The following WNK2 variants were observed in gnomAD, a reference collection of about 807,000 sequenced individuals.
WNK2 encodes the protein serine/threonine-protein kinase WNK2.
WNK2 carries 67 observed loss-of-function variants against 192.1 expected under a neutral mutation model. The ratio of observed to expected loss-of-function variants is 0.35; its 90% CI spans 0.29 to 0.43. The LOEUF is 0.43. WNK2 is among the 20% of genes least tolerant of loss of function. The probability of loss-of-function intolerance (pLI) is 1.00; values close to 1 mark genes in which losing one functional copy is unlikely to be tolerated. For missense variants in WNK2, 2,698 were observed against 3,089.7 expected (o/e 0.87, Z 3.01); for synonymous variants, 1,439 against 1,393.9 (o/e 1.03, Z -0.72).
At position 93,268,025 on chromosome 9, in the gene WNK2, C is replaced by A; in HGVS notation, c.3873C>A (p.Ser1291Arg). Residue 1291 changes from serine to arginine, a missense_variant, in exon 18 of 30, where the codon AGC (serine) becomes AGA (arginine). Ser to Arg is a moderately radical substitution (Grantham distance 110). Around this residue, in one of 7 missense-constraint regions of WNK2, gnomAD observed 1,098 missense variants for 1,101.0 expected, o/e 1.00. Transcript: ENST00000427277. ...STCGLGTGEESRQSQANAPVY... is the reference protein window; with the variant it reads ...STCGLGTGEERRQSQANAPVY... The stretch of plus-strand genomic sequence containing the variant: ...TGACCCTCCACCTCATTCAGGAGAG[C>A]CGACAATCCCAAGCCAACGCCCCCG... 1 of 1,611,910 alleles carries A rather than the reference C, an allele frequency of 6.2e-7. No homozygotes were observed. The highest frequency in any genetic ancestry group is 8.5e-7 in the Non-Finnish European group (1 of 1,179,122).
chr9:93,197,181 T>C (rs1184257904), intron 2 of WNK2, among the ~76,000 whole-genome samples: 1 of 152,252 alleles, frequency 6.6e-6, no homozygotes, highest in African/African-American at 2.4e-5. Context: ...TGTATATCTG[T>C]GTCTGTGATT....
intron 23 of WNK2, among the ~76,000 whole-genome samples, chr9:93,296,117 T>C: frequency 2.6e-5 from 1 of 38,874 alleles, no homozygotes; most frequent in African/African-American, 1.2e-4. Context: ...CCCCTCACCT[T>C]CCTCCCCTCT....
At chr9:93,277,611 C>G (rs1166716630) in intron 19 of WNK2, among the ~76,000 whole-genome samples, 2 of 152,118 alleles carry the variant, frequency 1.3e-5, no homozygotes, top group Non-Finnish European at 2.9e-5. Context: ...TGTATAATTC[C>G]ATTTATAATG....
chr9:93,282,142 A>C (rs1266963101), intron 19 of WNK2, among the ~76,000 whole-genome samples: 1 of 152,216 alleles, frequency 6.6e-6, no homozygotes, highest in Non-Finnish European at 1.5e-5. Context: ...AAATGCATGA[A>C]AATGGGGCAT....
intron 19 of WNK2, among the ~76,000 whole-genome samples, chr9:93,286,441 A>T (rs558253592): frequency 6.6e-6 from 1 of 152,322 alleles, no homozygotes; most frequent in Non-Finnish European, 1.5e-5. Context: ...TTATCAGGGA[A>T]ATGCAAATCA....
intron 2 of WNK2, among the ~76,000 whole-genome samples, chr9:93,188,447 T>C (rs1271344460): frequency 6.6e-6 from 1 of 152,256 alleles, no homozygotes; most frequent in Non-Finnish European, 1.5e-5. Flanking sequence ...GTGAGGTGTT[T>C]CACCTTCTGA....
Position 93,262,655 on chromosome 9 carries a change from G to C in WNK2, c.3361-15G>C. 6.2e-7 allele frequency: 1 copy of C among 1,612,628 alleles called. No homozygotes were observed. Among genetic ancestry groups the C allele is most frequent in the Non-Finnish European group, 8.5e-7 (1 of 1,179,852 alleles). ...CCGCATGACCTGTTCTCTTTTCTCC[G>C]GGTGTTTATTTCAGGAGCAGGCCTC... On this transcript the variant is annotated splice_polypyrimidine_tract_variant and intron_variant, in intron 13 of 29. Transcript: ENST00000427277.
rs1373406186 is a variant in WNK2 at position 93,258,996 on chromosome 9, C to T, written c.2448C>T (p.Ala816=). 5 of 1,612,886 alleles carry T rather than the reference C, an allele frequency of 3.1e-6. No homozygotes were observed. The highest frequency in any genetic ancestry group is 4.2e-6 in the Non-Finnish European group (5 of 1,179,828). The change falls in exon 12 of 30, where the codon GCC becomes GCT. Residue 816 remains alanine, a synonymous_variant. Coordinates refer to ENST00000427277, the MANE Select transcript of WNK2 (RefSeq NM_006648.4). ...CGGGAATCGACGGCCTCCCTCCGGC[C>T]CTCCCAGACCTGCCGACCGCGACTG... The part of the protein sequence containing the change: ...PLAGIDGLPP[A]LPDLPTATVP...
rs771538709 is a variant in WNK2, at chr9:93,259,484, T to TGCTGCCCCCGCAACCCAC, written c.2953_2954insCGCTGCCCCCGCAACCCA (p.Pro984_Met985insThrLeuProProGlnPro). 8.0e-4 allele frequency: 858 copies of TGCTGCCCCCGCAACCCAC among 1,072,024 alleles called. 7 individuals carry two copies. In the African/African-American group the frequency reaches 0.022, roughly 27 times the overall value. The allele number at this position is 1,072,024 out of a possible 1,614,324, so 66.4% of individuals were successfully genotyped here. ...CAACCCACACGGCCCCCTCAACCTG[T>TGCTGCCCCCGCAACCCAC]GCTGCCCCCGCAACCCATGCTGCCC... On this transcript the variant is annotated inframe_insertion, in exon 12 of 30. Transcript: ENST00000427277. This position sits in a 1 kb window ranked among gnomAD's most constrained non-coding sequence, Gnocchi z 4.8.
chr9:93,261,455 C>T (rs1352176625), intron 12 of WNK2, among the ~76,000 whole-genome samples: 1 of 152,222 alleles, frequency 6.6e-6, no homozygotes, highest in Non-Finnish European at 1.5e-5. Context: ...GACCGGGGGC[C>T]AGATGGGGCA....
In WNK2 at chr9:93,292,593, A is replaced by G; in HGVS notation, c.5128A>G (p.Thr1710Ala). 2 of 1,580,458 alleles carry G rather than the reference A, an allele frequency of 1.3e-6. No individual in the cohort carries two copies. The highest frequency in any genetic ancestry group is 1.1e-5 in the South Asian group (1 of 87,004). The change falls in exon 23 of 30, where the codon ACA becomes GCA. Residue 1710 changes from threonine (T) to alanine (A), a missense_variant. Thr to Ala is a moderately conservative substitution (Grantham distance 58). This residue lies in a region of WNK2 where 1,098 missense variants were observed against 1,101.0 expected (regional missense o/e 1.00). Transcript: ENST00000427277. ...AGAGCCCCCGCCGAGTGACATGGGC[A>G]CAGTGGGGGGCCAGGCTAGCCACCC... ...SAEPPPSDMGTVGGQASHPQT... is the reference protein window; with the variant it reads ...SAEPPPSDMGAVGGQASHPQT...
At chr9:93,205,572 C>T (rs929333438) in intron 2 of WNK2, among the ~76,000 whole-genome samples, 4 of 152,252 alleles carry the variant, frequency 2.6e-5, no homozygotes, top group Admixed American at 6.5e-5. Context: ...GCCCCGCGGC[C>T]GGCTGTCTGG....
chr9:93,292,206 G>T, intron 21 of WNK2, 102 bp from the exon 22 acceptor site: 2 of 1,186,756 alleles, frequency 1.7e-6, no homozygotes, highest in Admixed American at 3.5e-5. Flanking sequence ...CTGTCTGGAG[G>T]CACTCCCATG....
chr9:93,293,898 A>C, intron 23 of WNK2, among the ~76,000 whole-genome samples: 1 of 144,318 alleles, frequency 6.9e-6, no homozygotes, highest in Non-Finnish European at 1.5e-5. Context: ...TTTCTGGCAC[A>C]CTCTCTCTTC....
rs967535698 is a variant in WNK2, at chr9:93,184,888, G to T, written c.-2-40G>T. ...CCGGCGGCCTGGGCAGGTGCGGCAG[G>T]GCCGGCGCTCACGCGGGCCTGTGTG... On this transcript the variant is annotated intron_variant, in intron 1 of 29. Transcript: ENST00000427277. 5 of 1,220,216 alleles carry T rather than the reference G, an allele frequency of 4.1e-6. No individual in the cohort carries two copies. In the African/African-American group the frequency reaches 6.3e-5, roughly 15 times the overall value. The allele number at this position is 1,220,216 out of a possible 1,614,324, so 75.6% of individuals were successfully genotyped here.
intron 2 of WNK2, among the ~76,000 whole-genome samples, chr9:93,210,196 C>T (rs1834248955): frequency 6.6e-6 from 1 of 152,056 alleles, no homozygotes. Flanking sequence ...TAAGCGTTCC[C>T]ACCCCAGGGA....
intron 28 of WNK2, chr9:93,315,969 T>C (rs1171220569): frequency 1.3e-5 from 2 of 152,206 alleles, no homozygotes; most frequent in East Asian, 3.8e-4. Context: ...CCATCTCAAA[T>C]GAACTCTTGA....
chr9:93,262,592 C>A, intron 13 of WNK2, 78 bp from the exon 14 acceptor site: 1 of 1,510,698 alleles, frequency 6.6e-7, no homozygotes, highest in Non-Finnish European at 9.1e-7. Context: ...GGAGGGAGAG[C>A]TGACTATGCG....
chr9:93,292,041 G>A (rs910356242), intron 21 of WNK2, among the ~76,000 whole-genome samples: 23 of 152,208 alleles, frequency 1.5e-4, no homozygotes, highest in Non-Finnish European at 2.2e-4. Flanking sequence ...CGGGGCTGAC[G>A]CCTCTTCTCT....
Sources: gnomAD v4.1 joint callset for allele counts (sites outside exome capture counted in the v4.1 genomes callset) on GRCh38, gnomAD v4.1.1 for gene constraint, gnomAD v4.1.1 regional missense constraint, Gnocchi (gnomAD v3.1) non-coding constraint, MANE v1.5 for transcripts, NCBI Gene and HGNC (gene_info 2026-07-23, HGNC 2026-07-21) for gene names.